Variants in ST3GAL4 observed in about 807,000 individuals in gnomAD.
ST3GAL4 encodes the protein ST3 beta-galactoside alpha-2,3-sialyltransferase 4.
A neutral mutation model predicts 42.6 loss-of-function variants in ST3GAL4; 24 were observed. The ratio of observed to expected loss-of-function variants is 0.56; its 90% CI spans 0.41 to 0.79. The LOEUF (loss-of-function observed/expected upper bound fraction) is 0.79, where lower values mean the gene tolerates loss of function less well. Among genes scored for constraint, ST3GAL4 ranks in the 30% least tolerant of loss-of-function variants. The pLI, the probability that ST3GAL4 is intolerant of heterozygous loss-of-function variation, is 0.00. For synonymous variants in ST3GAL4, 135 were observed against 163.2 expected, an observed-to-expected ratio of 0.83 and a Z score of 1.32; for missense variants, 311 against 430.8, an observed-to-expected ratio of 0.72 and a Z score of 2.46.
intron 1 of ST3GAL4, among the ~76,000 whole-genome samples, chr11:126,380,726 C>T (rs373777819): frequency 2.0e-5 from 3 of 152,176 alleles, no homozygotes; most frequent in Non-Finnish European, 2.9e-5. Flanking sequence ...GAGACCTCCT[C>T]GGCAGGTAGG....
At chr11:126,408,667 C>A in intron 8 of ST3GAL4, 171 bp downstream of exon 8, 1 of 759,754 alleles carries the variant, frequency 1.3e-6, no homozygotes, top group Non-Finnish European at 2.1e-6. Flanking sequence ...GGGTGGTGCT[C>A]TGATAAGCTG....
chr11:126,368,932 C>T (rs1047146220), intron 1 of ST3GAL4, among the ~76,000 whole-genome samples: 6 of 152,138 alleles, frequency 3.9e-5, no homozygotes, highest in African/African-American at 1.2e-4. Context: ...CCCTCCCCCA[C>T]CCCGTTGGAG....
intron 1 of ST3GAL4, among the ~76,000 whole-genome samples, chr11:126,401,259 GC>G (rs1953977599): frequency 6.6e-6 from 1 of 151,942 alleles, no homozygotes; most frequent in South Asian, 2.1e-4. Flanking sequence ...CAAGGACAGT[GC>G]CCCCGAGAAT....
At position 126,410,995 on chromosome 11, in the gene ST3GAL4, C is replaced by T. The variant is rs1245677998; in HGVS notation, c.771+1584C>T. 1.3e-5 allele frequency among the ~76,000 whole-genome samples: 2 copies of T among 152,112 alleles called. No homozygotes were observed. The highest frequency in any genetic ancestry group is 1.3e-4 in the Admixed American group (2 of 15,278). On this transcript the variant is annotated intron_variant, in intron 9 of 10. Transcript: ENST00000444328. The surrounding 1 kb of genome is among the most constrained non-coding windows in gnomAD (Gnocchi z 5.3). The stretch of plus-strand genomic sequence containing the variant: ...CTCCAGCACTGAACTGTTTCCAGTA[C>T]AAGTGGCGTTGAAGGGCAACAAGGA...
Position 126,409,543 on chromosome 11 carries a change from C to T in ST3GAL4, c.771+132C>T. 1.6e-6 allele frequency: 2 copies of T among 1,253,400 alleles called. No individual in the cohort carries two copies. The highest frequency in any genetic ancestry group is 2.2e-6 in the Non-Finnish European group (2 of 898,442). The allele number at this position is 1,253,400 out of a possible 1,614,324, so 77.6% of individuals were successfully genotyped here. A position where few individuals can be genotyped will look rare whatever the true frequency, so the allele number is the denominator to read the frequency against. The stretch of plus-strand genomic sequence containing the variant: ...GGTTTGCATTTTCCCTCCAGGAACA[C>T]ACCTGTCATTAAAGTTGCTGCTGCA... On this transcript the variant is annotated intron_variant, in intron 9 of 10. Coordinates refer to ENST00000444328, the MANE Select transcript of ST3GAL4 (RefSeq NM_001254757.2). This position sits in a 1 kb window ranked among gnomAD's most constrained non-coding sequence, Gnocchi z 4.9.
At chr11:126,389,558 G>A (rs1953388389) in intron 1 of ST3GAL4, among the ~76,000 whole-genome samples, 1 of 151,932 alleles carries the variant, frequency 6.6e-6, no homozygotes, top group Non-Finnish European at 1.5e-5. Context: ...TTAAACATAA[G>A]TTTTTACTTT....
At chr11:126,390,235 T>G (rs1416710231) in intron 1 of ST3GAL4, among the ~76,000 whole-genome samples, 1 of 151,974 alleles carries the variant, frequency 6.6e-6, no homozygotes, top group Admixed American at 6.6e-5. Flanking sequence ...TTGACCCATA[T>G]GGATTGATTT....
At position 126,366,220 on chromosome 11, in the gene ST3GAL4, C is replaced by T. The variant is rs1428722874; in HGVS notation, c.-61+10378C>T. On this transcript the variant is annotated intron_variant, in intron 1 of 10. Coordinates refer to ENST00000444328, the MANE Select transcript of ST3GAL4 (RefSeq NM_001254757.2). This position sits in a 1 kb window ranked among gnomAD's most constrained non-coding sequence, Gnocchi z 4.2. ...GCTGGGGTGGGAGGAACCCAGTGGG[C>T]CTGGGGGAGGTAAAGCAGCAGCAGC... Among the ~76,000 whole-genome samples, 9 of 152,140 alleles carry T rather than the reference C, an allele frequency of 5.9e-5. No homozygotes were observed. Among genetic ancestry groups the T allele is most frequent in the Admixed American group, 5.9e-4 (9 of 15,282 alleles).
intron 1 of ST3GAL4, among the ~76,000 whole-genome samples, chr11:126,371,758 G>T (rs1312804695): frequency 6.6e-6 from 1 of 152,164 alleles, no homozygotes; most frequent in Non-Finnish European, 1.5e-5. Flanking sequence ...GGGGTGTCCC[G>T]TACAAGGGAG....
rs79706946 is a variant in ST3GAL4 at position 126,384,180 on chromosome 11, G to A, written c.-60-21916G>A. Reference sequence around the variant, plus strand: ...ACAGTTCCAGAAACTTGTTCATCAAGTGCCAGGCTGACCATGGTGTCCGTC... The same window carrying A: ...ACAGTTCCAGAAACTTGTTCATCAAATGCCAGGCTGACCATGGTGTCCGTC... On this transcript the variant is annotated intron_variant, in intron 1 of 10. Transcript: ENST00000444328. The surrounding 1 kb of genome is among the most constrained non-coding windows in gnomAD (Gnocchi z 5.5). Among the ~76,000 whole-genome samples the A allele has an allele frequency of 4.6e-5, 7 of 152,316 alleles. No homozygotes were observed. In the East Asian group the frequency reaches 1.4e-3, roughly 29 times the overall value.
At chr11:126,381,602 C>A (rs1953004617) in intron 1 of ST3GAL4, among the ~76,000 whole-genome samples, 1 of 146,164 alleles carries the variant, frequency 6.8e-6, no homozygotes, top group Non-Finnish European at 1.5e-5. Context: ...CCTCCCAGTT[C>A]TGCCTCCTGC....
chr11:126,361,794 C>T (rs532180410), intron 1 of ST3GAL4, among the ~76,000 whole-genome samples: 1 of 152,188 alleles, frequency 6.6e-6, no homozygotes, highest in Non-Finnish European at 1.5e-5. Flanking sequence ...AGGTTGGAGG[C>T]TCTCAGCCCT....
chr11:126,409,574 G>T lies in ST3GAL4; in HGVS notation c.771+163G>T, dbSNP rs2298476. On this transcript the variant is annotated intron_variant, in intron 9 of 10. Transcript: ENST00000444328. This position sits in a 1 kb window ranked among gnomAD's most constrained non-coding sequence, Gnocchi z 4.9. Reference sequence around the variant, plus strand: ...TCATTAAAGTTGCTGCTGCAAAGGGGAGTGCACACTTTAGAGAACCAAGGG... The same window carrying T: ...TCATTAAAGTTGCTGCTGCAAAGGGTAGTGCACACTTTAGAGAACCAAGGG... 6.6e-6 allele frequency among the ~76,000 whole-genome samples: 1 copy of T among 152,192 alleles called. No homozygotes were observed. Among genetic ancestry groups the T allele is most frequent in the Non-Finnish European group, 1.5e-5 (1 of 68,034 alleles).
Position 126,400,282 on chromosome 11 carries a change from A to C in ST3GAL4, c.-60-5814A>C, listed in dbSNP as rs2135517776. ...GAGTGGAATGGCAAGACAGATCAAGAGGGGACCTAACTGGCCTTTTATAAG... is the reference window on the plus strand; with the variant it reads ...GAGTGGAATGGCAAGACAGATCAAGCGGGGACCTAACTGGCCTTTTATAAG... On this transcript the variant is annotated intron_variant, in intron 1 of 10. Coordinates refer to ENST00000444328, the MANE Select transcript of ST3GAL4 (RefSeq NM_001254757.2). The surrounding 1 kb of genome is among the most constrained non-coding windows in gnomAD (Gnocchi z 4.6). Among the ~76,000 whole-genome samples, 1 of 152,352 alleles carries C rather than the reference A, an allele frequency of 6.6e-6. No homozygotes were observed. Among genetic ancestry groups the C allele is most frequent in the South Asian group, 2.1e-4 (1 of 4,828 alleles).
rs1353362056 is a variant in ST3GAL4 at position 126,406,244 on chromosome 11, C to A, written c.16+73C>A. The stretch of plus-strand genomic sequence containing the variant: ...AGCCGTCTTCAGCAGGATCCTGGGA[C>A]CTCTGGGGGCTGTGGAGGGACAGAC... On this transcript the variant is annotated intron_variant, in intron 2 of 10. Transcript: ENST00000444328. This position sits in a 1 kb window ranked among gnomAD's most constrained non-coding sequence, Gnocchi z 5.4. The A allele has an allele frequency of 2.6e-6, 4 of 1,550,522 alleles. No individual in the cohort carries two copies. The highest frequency in any genetic ancestry group is 1.4e-5 in the African/African-American group (1 of 73,020).
At position 126,398,006 on chromosome 11, in the gene ST3GAL4, C is replaced by T. The variant is rs944377880; in HGVS notation, c.-60-8090C>T. Among the ~76,000 whole-genome samples the T allele has an allele frequency of 1.3e-5, 2 of 152,252 alleles. No individual in the cohort carries two copies. Among genetic ancestry groups the T allele is most frequent in the Non-Finnish European group, 2.9e-5 (2 of 68,048 alleles). The stretch of plus-strand genomic sequence containing the variant: ...ACATTCAAACCATAGCATTCTGCCC[C>T]AGTCCCCAAAATGGATGTCCTTGTC... On this transcript the variant is annotated intron_variant, in intron 1 of 10. Coordinates refer to ENST00000444328, the MANE Select transcript of ST3GAL4 (RefSeq NM_001254757.2). This position sits in a 1 kb window ranked among gnomAD's most constrained non-coding sequence, Gnocchi z 4.7.
chr11:126,401,296 G>A (rs530426649), intron 1 of ST3GAL4, among the ~76,000 whole-genome samples: 2 of 151,872 alleles, frequency 1.3e-5, no homozygotes, highest in East Asian at 1.9e-4. Context: ...GTGGACCCTC[G>A]GTGGCTCACG....
At position 126,396,562 on chromosome 11, in the gene ST3GAL4, G is replaced by GA. The variant is rs1953774042; in HGVS notation, c.-60-9532dup. On this transcript the variant is annotated intron_variant, in intron 1 of 10. Coordinates refer to ENST00000444328, the MANE Select transcript of ST3GAL4 (RefSeq NM_001254757.2). This position sits in a 1 kb window ranked among gnomAD's most constrained non-coding sequence, Gnocchi z 5.8. ...GTGTCTCGTGCGGAAGCGTGGCTGA[G>GA]AAGGGGCTCGACAGGCTCTTCGTCA... is the stretch of plus-strand genomic sequence containing the variant. Among the ~76,000 whole-genome samples the GA allele has an allele frequency of 6.6e-6, 1 of 151,922 alleles. No homozygotes were observed. Among genetic ancestry groups the GA allele is most frequent in the Non-Finnish European group, 1.5e-5 (1 of 68,024 alleles).
intron 1 of ST3GAL4, among the ~76,000 whole-genome samples, chr11:126,364,770 G>C (rs1952367370): frequency 6.6e-6 from 1 of 151,362 alleles, no homozygotes; most frequent in Non-Finnish European, 1.5e-5. Context: ...CTGGTCCCGG[G>C]CCCCCTCTCA....
Sources: gnomAD v4.1 joint callset for allele counts (sites outside exome capture counted in the v4.1 genomes callset) on GRCh38, gnomAD v4.1.1 for gene constraint, Gnocchi (gnomAD v3.1) non-coding constraint, MANE v1.5 for transcripts, NCBI Gene and HGNC (gene_info 2026-07-23, HGNC 2026-07-21) for gene names.